PDE1A: variants seen among roughly 807,000 people sequenced by gnomAD.
PDE1A encodes phosphodiesterase 1A.
In PDE1A, 35 loss-of-function variants were observed where a neutral mutation model predicts 61.7. That is an observed-to-expected ratio of 0.57 (90% confidence interval 0.43 to 0.75). The LOEUF (loss-of-function observed/expected upper bound fraction) is 0.75. Among genes scored for constraint, PDE1A ranks in the 30% least tolerant of loss-of-function variants. The pLI is 0.00. For synonymous variants in PDE1A, 232 were observed against 213.2 expected, an observed-to-expected ratio of 1.09 and a Z score of -0.77; for missense variants, 597 against 630.6, an observed-to-expected ratio of 0.95 and a Z score of 0.57.
At chr2:182,361,868 C>T (rs1447710194) in intron 1 of PDE1A, among the ~76,000 whole-genome samples, 3 of 151,968 alleles carry the variant, frequency 2.0e-5, no homozygotes, top group African/African-American at 7.2e-5. Flanking sequence ...TTTCTAGATC[C>T]AGGGAGGCTC....
intron 7 of PDE1A, among the ~76,000 whole-genome samples, chr2:182,207,059 C>T (rs192647820): frequency 3.9e-5 from 6 of 152,046 alleles, no homozygotes; most frequent in African/African-American, 7.2e-5. Context: ...TGGTACTGAG[C>T]GTGGGGTATT....
intron 2 of PDE1A, among the ~76,000 whole-genome samples, chr2:182,476,200 T>C (rs1687352233): frequency 6.6e-6 from 1 of 151,862 alleles, no homozygotes; most frequent in African/African-American, 2.4e-5. Context: ...ATTATATTTT[T>C]AAAATTAAGG....
At chr2:182,607,000 A>G in the PDE1A span, among the ~76,000 whole-genome samples, 2 of 152,214 alleles carry the variant, frequency 1.3e-5, no homozygotes, top group African/African-American at 2.4e-5. Context: ...CATCTCCCTG[A>G]TGGTCTAGAA....
chr2:182,527,801 C>T (rs1321897498), upstream of PDE1A, among the ~76,000 whole-genome samples: 2 of 152,062 alleles, frequency 1.3e-5, no homozygotes, highest in African/African-American at 4.8e-5. Context: ...GGTGGTTTCC[C>T]TTACACTGTT....
chr2:182,612,090 G>A, the PDE1A span, among the ~76,000 whole-genome samples: 14 of 152,106 alleles, frequency 9.2e-5, no homozygotes, highest in Middle Eastern at 6.8e-3. Context: ...TACTAATTTC[G>A]TCCAAAACAA....
chr2:182,220,415 C>T (rs1167335223), intron 7 of PDE1A, among the ~76,000 whole-genome samples: 3 of 152,064 alleles, frequency 2.0e-5, no homozygotes, highest in Non-Finnish European at 4.4e-5. Flanking sequence ...CTCCAAGCAT[C>T]ACCATCTACT....
At chr2:182,231,524 C>A (rs528650182) in intron 4 of PDE1A, among the ~76,000 whole-genome samples, 2 of 152,172 alleles carry the variant, frequency 1.3e-5, no homozygotes, top group South Asian at 4.1e-4. Context: ...AAAAAATAGT[C>A]CCGGTTTTTC....
chr2:182,541,516 G>C, the PDE1A span, among the ~76,000 whole-genome samples: 3 of 152,166 alleles, frequency 2.0e-5, no homozygotes, highest in South Asian at 6.2e-4. Context: ...GTTTCAGAGA[G>C]GAAATACATG....
At chr2:182,309,989 C>T (rs1391617980) in intron 1 of PDE1A, among the ~76,000 whole-genome samples, 1 of 152,088 alleles carries the variant, frequency 6.6e-6, no homozygotes, top group Non-Finnish European at 1.5e-5. Context: ...GACTAGTTGG[C>T]AGACAGCCCT....
intron 2 of PDE1A, among the ~76,000 whole-genome samples, chr2:182,473,923 A>G (rs1171743411): frequency 2.6e-5 from 4 of 151,862 alleles, no homozygotes; most frequent in African/African-American, 9.7e-5. Flanking sequence ...TGTCTTTGCT[A>G]TTGCGAAAAG....
the PDE1A span, among the ~76,000 whole-genome samples, chr2:182,533,770 A>G: frequency 6.6e-6 from 1 of 152,142 alleles, no homozygotes; most frequent in African/African-American, 2.4e-5. Context: ...GACATCATAT[A>G]AAGTTTAATG....
chr2:182,449,087 A>ACACACACACAC lies in PDE1A; in HGVS notation c.101+73188_101+73189insGTGTGTGTGTG, dbSNP rs1460786874. 5.8e-3 allele frequency among the ~76,000 whole-genome samples: 811 copies of ACACACACACAC among 140,918 alleles called. 14 individuals are homozygous for ACACACACACAC. Among genetic ancestry groups the ACACACACACAC allele is most frequent in the East Asian group, 0.039 (190 of 4,816 alleles). The allele number at this position is 140,918 out of a possible 152,430, so 92.4% of individuals were successfully genotyped here. On this transcript the variant is annotated intron_variant, in intron 2 of 14. Coordinates refer to the PDE1A transcript ENST00000410103. ...ACACACACACACACACACACACACA[A>ACACACACACAC]ACAAAACCCAGGAAATCCTTCTAAA...
intron 1 of PDE1A, among the ~76,000 whole-genome samples, chr2:182,375,137 G>C (rs1320335931): frequency 6.6e-6 from 1 of 152,166 alleles, no homozygotes; most frequent in African/African-American, 2.4e-5. Flanking sequence ...TGGGGACATA[G>C]AGCCAAACCA....
chr2:182,575,548 T>C, the PDE1A span, among the ~76,000 whole-genome samples: 2 of 151,628 alleles, frequency 1.3e-5, no homozygotes, highest in African/African-American at 4.8e-5. Context: ...AAAATTTTGC[T>C]AGGGGGTGAT....
downstream of PDE1A, chr2:182,142,354 C>T (rs1690266868): frequency 6.6e-6 from 1 of 152,110 alleles, no homozygotes; most frequent in Admixed American, 6.6e-5. Flanking sequence ...TGCTTTGAAA[C>T]CATGGGGACG....
chr2:182,409,918 T>C (rs116734013), intron 1 of PDE1A, among the ~76,000 whole-genome samples: 5,878 of 152,288 alleles, frequency 0.039, 136 homozygotes, highest in Middle Eastern at 0.071. Context: ...GGATAATAAT[T>C]TTAATATAAA....
intron 1 of PDE1A, among the ~76,000 whole-genome samples, chr2:182,423,203 T>TA: frequency 6.6e-6 from 1 of 152,240 alleles, no homozygotes; most frequent in Admixed American, 6.5e-5. Context: ...GATATGAAAA[T>TA]ATATACCTAA....
At chr2:182,296,329 G>A (rs1694882363) in intron 1 of PDE1A, among the ~76,000 whole-genome samples, 1 of 152,108 alleles carries the variant, frequency 6.6e-6, no homozygotes, top group South Asian at 2.1e-4. Flanking sequence ...AGGACAGTGG[G>A]GATGAAGTCA....
At chr2:182,255,271 G>A (rs942510627) in intron 2 of PDE1A, among the ~76,000 whole-genome samples, 1 of 152,172 alleles carries the variant, frequency 6.6e-6, no homozygotes, top group African/African-American at 2.4e-5. Flanking sequence ...AAACTGGCTT[G>A]GTTGGGTTTC....
Sources: allele counts gnomAD v4.1 joint callset (sites outside exome capture counted in the v4.1 genomes callset), GRCh38; gene constraint gnomAD v4.1.1; transcripts MANE v1.5; gene names NCBI Gene and HGNC (gene_info 2026-07-23, HGNC 2026-07-21).